Variants in ZMIZ1 observed in about 807,000 individuals in gnomAD.
ZMIZ1 encodes the protein zinc finger MIZ-type containing 1, also known as zinc finger MIZ domain-containing protein 1.
ZMIZ1 carries 17 observed loss-of-function variants against 113.9 expected under a neutral mutation model. The ratio of observed to expected loss-of-function variants is 0.15; its 90% CI spans 0.10 to 0.22. ZMIZ1 has a LOEUF of 0.22. Ranked by LOEUF, ZMIZ1 falls within the 10% of genes least tolerant of loss-of-function variation. The pLI, the probability that ZMIZ1 is intolerant of heterozygous loss-of-function variation, is 1.00. For synonymous variants in ZMIZ1, 607 were observed against 603.1 expected (o/e 1.01, Z -0.09); for missense variants, 1,059 against 1,477.8 (o/e 0.72, Z 4.65).
At chr10:79,072,996 C>T (rs1842343538) in intron 1 of ZMIZ1, among the ~76,000 whole-genome samples, 1 of 152,194 alleles carries the variant, frequency 6.6e-6, no homozygotes, top group Admixed American at 6.5e-5. Context: ...TGGGCCCTGC[C>T]TTTAGAGAGG....
intron 8 of ZMIZ1, among the ~76,000 whole-genome samples, chr10:79,287,496 A>T (rs1853161678): frequency 6.6e-6 from 1 of 152,246 alleles, no homozygotes; most frequent in South Asian, 2.1e-4. Flanking sequence ...CTTTGACTGC[A>T]TTCTCCTCTT....
At chr10:79,254,055 ACTT>A (rs1260845043) in intron 7 of ZMIZ1, among the ~76,000 whole-genome samples, 1 of 152,220 alleles carries the variant, frequency 6.6e-6, no homozygotes, top group Non-Finnish European at 1.5e-5. Context: ...GTTTGTATAT[ACTT>A]CAGAAACAAA....
At chr10:79,151,785 A>G (rs924085349) in intron 3 of ZMIZ1, among the ~76,000 whole-genome samples, 3 of 152,132 alleles carry the variant, frequency 2.0e-5, no homozygotes, top group Non-Finnish European at 4.4e-5. Flanking sequence ...TCTAGCTCTG[A>G]ATGGGAGTGG....
intron 11 of ZMIZ1, 101 bp from the exon 12 acceptor site, chr10:79,293,280 T>A: frequency 1.4e-6 from 2 of 1,426,534 alleles, no homozygotes; most frequent in Non-Finnish European, 9.4e-7. Flanking sequence ...CCCTCCCCAC[T>A]CCTCCACCTC....
At chr10:79,165,961 T>TGCGCGCGCGCGCATGCGCGCGCGC (rs1564692690) in intron 4 of ZMIZ1, among the ~76,000 whole-genome samples, 1 of 20,142 alleles carries the variant, frequency 5.0e-5, no homozygotes, top group African/African-American at 1.4e-4. Flanking sequence ...TGTGTGTGTG[T>TGCGCGCGCGCGCATGCGCGCGCGC]GTGTGTGTGT....
chr10:79,118,462 T>C lies in ZMIZ1; in HGVS notation c.-336-453T>C, dbSNP rs4336976. Among the ~76,000 whole-genome samples, 39,728 of 152,024 alleles carry C rather than the reference T, an allele frequency of 0.26. 5,911 individuals are homozygous for C. The highest frequency in any genetic ancestry group is 0.42 in the South Asian group (1,993 of 4,798). On this transcript the variant is annotated intron_variant, in intron 1 of 24. Coordinates refer to ENST00000334512, the MANE Select transcript of ZMIZ1 (RefSeq NM_020338.4). This position sits in a 1 kb window ranked among gnomAD's most constrained non-coding sequence, Gnocchi z 4.1. Reference sequence around the variant, plus strand: ...GGCCAGGCGCACAGCCCACTGGAGATGAACAAGCAAGGAGGGGCTGGTGAG... The same window carrying C: ...GGCCAGGCGCACAGCCCACTGGAGACGAACAAGCAAGGAGGGGCTGGTGAG...
intron 7 of ZMIZ1, among the ~76,000 whole-genome samples, chr10:79,224,151 TC>T (rs1239902541): frequency 6.6e-6 from 1 of 152,162 alleles, no homozygotes; most frequent in Non-Finnish European, 1.5e-5. Flanking sequence ...CTTAGTATGA[TC>T]CCAGCCAGGT....
chr10:79,080,300 C>CT (rs10592440), intron 1 of ZMIZ1, among the ~76,000 whole-genome samples: 916 of 84,952 alleles, frequency 0.011, 13 homozygotes, highest in African/African-American at 0.022. Flanking sequence ...TCGGGTGTGA[C>CT]TTTTTTTTTT....
rs1164735480 is a variant in ZMIZ1, at chr10:79,293,473, C to T, written c.1050C>T (p.Ser350=). 1.9e-6 allele frequency: 3 copies of T among 1,568,168 alleles called. No homozygotes were observed. Among genetic ancestry groups the T allele is most frequent in the Admixed American group, 1.8e-5 (1 of 55,220 alleles). Residue 350 remains serine (S), a synonymous_variant, in exon 12 of 25, where the codon AGC becomes AGT. Coordinates refer to ENST00000334512, the MANE Select transcript of ZMIZ1 (RefSeq NM_020338.4). ...TGGGGGGCAGCATGAACCCCGCGAG[C>T]ATGGCGGCTGGCATGACGCCCTCGG... ...ASMGGSMNPA[S]MAAGMTPSGM... is the part of the protein sequence containing the mutation.
chr10:79,252,280 C>CT (rs149667970), intron 7 of ZMIZ1, among the ~76,000 whole-genome samples: 10,040 of 152,214 alleles, frequency 0.066, 377 homozygotes, highest in Non-Finnish European at 0.076. Context: ...CCTCTCAGAG[C>CT]TTTACATGGC....
At chr10:79,182,228 A>G (rs934513330) in intron 4 of ZMIZ1, among the ~76,000 whole-genome samples, 8 of 152,168 alleles carry the variant, frequency 5.3e-5, no homozygotes, top group Non-Finnish European at 1.0e-4. Flanking sequence ...CAGATGAAAA[A>G]GACAAAACTC....
chr10:79,114,015 A>C (rs563688348), intron 1 of ZMIZ1, among the ~76,000 whole-genome samples: 9 of 152,250 alleles, frequency 5.9e-5, no homozygotes, highest in Admixed American at 5.2e-4. Context: ...GGAGTTTGCA[A>C]ATGGAGAGAG....
intron 7 of ZMIZ1, among the ~76,000 whole-genome samples, chr10:79,253,565 G>A (rs920673883): frequency 5.3e-5 from 8 of 152,178 alleles, no homozygotes; most frequent in Admixed American, 3.3e-4. Context: ...AGCAAGGGGT[G>A]GGAACTGAGG....
chr10:79,305,445 G>A (rs1056649871), intron 20 of ZMIZ1, 88 bp from the exon 21 acceptor site: 9 of 1,443,074 alleles, frequency 6.2e-6, no homozygotes, highest in Admixed American at 1.7e-5. Flanking sequence ...AGCAGGGGTG[G>A]GACCCCACTG....
At chr10:79,115,021 G>A (rs1403194427) in intron 1 of ZMIZ1, among the ~76,000 whole-genome samples, 1 of 152,226 alleles carries the variant, frequency 6.6e-6, no homozygotes, top group African/African-American at 2.4e-5. Context: ...ACTCCCAGGG[G>A]AAAGGCCTGG....
chr10:79,140,460 C>T (rs566885558), intron 3 of ZMIZ1, among the ~76,000 whole-genome samples: 2 of 152,336 alleles, frequency 1.3e-5, no homozygotes, highest in Admixed American at 6.5e-5. Flanking sequence ...TTACTTCGAC[C>T]GTACTGCACT....
At chr10:79,181,566 G>A (rs1021862425) in intron 4 of ZMIZ1, among the ~76,000 whole-genome samples, 6 of 152,182 alleles carry the variant, frequency 3.9e-5, no homozygotes, top group Non-Finnish European at 7.3e-5. Context: ...CCAGGGAGCC[G>A]GGGTGAAGCC....
In ZMIZ1 at chr10:79,299,220, A is replaced by G. The variant is rs1313114464; in HGVS notation, c.1808+29A>G. The G allele has an allele frequency of 4.4e-6, 7 of 1,584,522 alleles. No individual in the cohort carries two copies. In the African/African-American group the frequency reaches 6.7e-5, roughly 15 times the overall value. On this transcript the variant is annotated intron_variant, in intron 16 of 24. Transcript: ENST00000334512. ...CGTGTCAGGGCAGGGGCGCCAGCCC[A>G]GGCGGGATGAAGGAGGTCCCCTGGG...
chr10:79,214,401 G>A (rs912197913), intron 6 of ZMIZ1, among the ~76,000 whole-genome samples: 9 of 152,180 alleles, frequency 5.9e-5, no homozygotes, highest in African/African-American at 2.2e-4. Context: ...ACACAGAGGG[G>A]CGCAGGGAGG....
Sources: allele counts gnomAD v4.1 joint callset (sites outside exome capture counted in the v4.1 genomes callset), GRCh38; gene constraint gnomAD v4.1.1; non-coding constraint Gnocchi (gnomAD v3.1); transcripts MANE v1.5; gene names NCBI Gene and HGNC (gene_info 2026-07-23, HGNC 2026-07-21).